MDH1B: variants seen among roughly 807,000 people sequenced by gnomAD.
The protein encoded by MDH1B is putative malate dehydrogenase 1B.
A neutral mutation model predicts 61.4 loss-of-function variants in MDH1B; 60 were observed. The observed-to-expected ratio is 0.98, with a 90% CI of 0.79 to 1.21. The LOEUF is 1.21. Among genes scored for constraint, MDH1B ranks in the 50% most tolerant of loss-of-function variants. The pLI, the probability that MDH1B is intolerant of heterozygous loss-of-function variation, is 0.00. For synonymous variants in MDH1B, 236 were observed against 218.7 expected, an observed-to-expected ratio of 1.08 and a Z score of -0.70; for missense variants, 587 against 632.1, an observed-to-expected ratio of 0.93 and a Z score of 0.76.
At chr2:206,759,046 C>A (rs1688940218) in intron 2 of MDH1B, among the ~76,000 whole-genome samples, 1 of 145,784 alleles carries the variant, frequency 6.9e-6, no homozygotes, top group Non-Finnish European at 1.5e-5. Flanking sequence ...AAATTTGTGT[C>A]ATGGGGGTTT....
intron 6 of MDH1B, among the ~76,000 whole-genome samples, chr2:206,750,378 C>G (rs529950289): frequency 4.9e-5 from 7 of 142,328 alleles, no homozygotes; most frequent in Non-Finnish European, 7.7e-5. Flanking sequence ...AGAGAGGCTG[C>G]TTAGCCTCTC....
chr2:206,762,487 CCT>C (rs1258090910), intron 1 of MDH1B, among the ~76,000 whole-genome samples: 10 of 152,168 alleles, frequency 6.6e-5, no homozygotes, highest in African/African-American at 1.9e-4. Context: ...AGTTAATTAT[CCT>C]CTCTTTCTAG....
intron 9 of MDH1B, among the ~76,000 whole-genome samples, chr2:206,744,943 T>TA (rs1268393684): frequency 6.9e-5 from 10 of 145,720 alleles, no homozygotes; most frequent in African/African-American, 2.3e-4. Context: ...AATAAATAAA[T>TA]AAATAAAATA....
intron 11 of MDH1B, among the ~76,000 whole-genome samples, chr2:206,738,977 C>A (rs1687654117): frequency 1.3e-5 from 2 of 152,196 alleles, no homozygotes; most frequent in Admixed American, 6.5e-5. Flanking sequence ...CCTGATTGGT[C>A]AACCACAAAG....
chr2:206,758,462 G>A (rs982093149), intron 2 of MDH1B, among the ~76,000 whole-genome samples: 6 of 152,106 alleles, frequency 3.9e-5, no homozygotes, highest in Non-Finnish European at 8.8e-5. Context: ...GACGGTAGAA[G>A]AATGGATCAA....
Position 206,757,292 on chromosome 2 carries a change from C to G in MDH1B, c.215G>C (p.Arg72Pro). ...SPIIWRELLD[R>P]GGKGLLLGGY... ...TCCCAAAAGCAAACCCTTTCCTCCACGATCCAACAGCTCTCTCCAGATGAT... is the reference window on the plus strand; with the variant it reads ...TCCCAAAAGCAAACCCTTTCCTCCAGGATCCAACAGCTCTCTCCAGATGAT... Residue 72 changes from arginine (R) to proline (P), a missense_variant, in exon 3 of 12, where the codon CGT becomes CCT. Arg to Pro is a moderately radical substitution (Grantham distance 103). Transcript: ENST00000374412. The G allele has an allele frequency of 1.9e-6, 3 of 1,613,938 alleles. No individual in the cohort carries two copies. The highest frequency in any genetic ancestry group is 2.5e-6 in the Non-Finnish European group (3 of 1,179,864).
At position 206,755,064 on chromosome 2, in the gene MDH1B, C is replaced by A. The variant is rs1031411850; in HGVS notation, c.855G>T (p.Gly285=). ...IAHNIIAVAL[G]VEGEAKAILA... ...GTATGGCTTTCGCTTCACCTTCCACCCCCAGCGCCACAGCAATAATGTTGT... is the reference window on the plus strand; with the variant it reads ...GTATGGCTTTCGCTTCACCTTCCACACCCAGCGCCACAGCAATAATGTTGT... Residue 285 remains glycine (G), a synonymous_variant, in exon 5 of 12, where the codon GGG becomes GGT. Coordinates refer to ENST00000374412, the MANE Select transcript of MDH1B (RefSeq NM_001039845.3). The A allele has an allele frequency of 6.2e-7, 1 of 1,614,148 alleles. No homozygotes were observed.
Position 206,754,998 on chromosome 2 carries a change from C to T in MDH1B, c.910+11G>A. On this transcript the variant is annotated intron_variant, in intron 5 of 11. Coordinates refer to ENST00000374412, the MANE Select transcript of MDH1B (RefSeq NM_001039845.3). Reference sequence around the variant, plus strand: ...AAATAAAAACAAAAACATAAAGAGACATTCACTCACATGAAGGAGCTGTCT... The same window carrying T: ...AAATAAAAACAAAAACATAAAGAGATATTCACTCACATGAAGGAGCTGTCT... 6.2e-7 allele frequency: 1 copy of T among 1,606,120 alleles called. No individual in the cohort carries two copies. Among genetic ancestry groups the T allele is most frequent in the Non-Finnish European group, 8.5e-7 (1 of 1,174,668 alleles).
At position 206,745,738 on chromosome 2, in the gene MDH1B, T is replaced by C. The variant is rs891913562; in HGVS notation, c.1357-65A>G. On this transcript the variant is annotated intron_variant, in intron 8 of 11. Transcript: ENST00000374412. ...TTCCTAACTTAATTCTTCTTTTTTTTTTTTTTTTTTTTGAGACAGAGTTTC... is the reference window on the plus strand; with the variant it reads ...TTCCTAACTTAATTCTTCTTTTTTTCTTTTTTTTTTTTGAGACAGAGTTTC... 160 of 1,249,110 alleles carry C rather than the reference T, an allele frequency of 1.3e-4. 1 individual carries two copies. Among genetic ancestry groups the C allele is most frequent in the Middle Eastern group, 2.1e-4 (1 of 4,858 alleles). The allele number at this position is 1,249,110 out of a possible 1,614,324, so 77.4% of individuals were successfully genotyped here.
Position 206,756,908 on chromosome 2 carries a change from A to G in MDH1B, c.403T>C (p.Trp135Arg), listed in dbSNP as rs1688790881. 1.9e-6 allele frequency: 3 copies of G among 1,614,184 alleles called. No homozygotes were observed. Among genetic ancestry groups the G allele is most frequent in the Non-Finnish European group, 2.5e-6 (3 of 1,180,022 alleles). ...LKTCINPLQV[W>R]ITSASAPACY... Reference sequence around the variant, plus strand: ...ATTTGACTGTCCCACCTGGTGATCCAGACCTGCAAGGGGTTGATGCAAGTT... The same window carrying G: ...ATTTGACTGTCCCACCTGGTGATCCGGACCTGCAAGGGGTTGATGCAAGTT... Residue 135 changes from tryptophan (W) to arginine (R), a missense_variant, in exon 4 of 12, where the codon TGG (tryptophan) becomes CGG (arginine). Physicochemically the swap from Trp to Arg is moderately radical, Grantham distance 101 (BLOSUM62 -3). Transcript: ENST00000374412.
intron 5 of MDH1B, 62 bp from the exon 6 acceptor site, chr2:206,751,137 G>T: frequency 8.0e-7 from 1 of 1,254,830 alleles, no homozygotes; most frequent in Non-Finnish European, 1.1e-6. Flanking sequence ...AAAATTGCCT[G>T]AAGCCTATTT....
chr2:206,763,698 A>AACTTATTTCAATTTTAT, intron 1 of MDH1B, among the ~76,000 whole-genome samples: 1 of 152,158 alleles, frequency 6.6e-6, no homozygotes, highest in Non-Finnish European at 1.5e-5. Context: ...AGTCCTAATA[A>AACTTATTTCAATTTTAT]ACTTATTTCA....
chr2:206,752,613 C>T (rs73068058), intron 5 of MDH1B, among the ~76,000 whole-genome samples: 17,867 of 151,940 alleles, frequency 0.12, 1,466 homozygotes, highest in African/African-American at 0.24. Context: ...AATTCTTGGG[C>T]CAGGTAAGCA....
intron 4 of MDH1B, among the ~76,000 whole-genome samples, 184 bp from the exon 5 acceptor site, chr2:206,755,689 C>A (rs748716198): frequency 5.9e-5 from 9 of 152,242 alleles, no homozygotes; most frequent in Non-Finnish European, 1.2e-4. Context: ...TTCTCACTAC[C>A]AATCCCTTGC....
chr2:206,760,918 G>T lies in MDH1B; in HGVS notation c.118C>A (p.Arg40Ser). Residue 40 changes from arginine (R) to serine (S), a missense_variant, in exon 2 of 12, where the codon CGT becomes AGT. Physicochemically the swap from Arg to Ser is moderately radical, Grantham distance 110 (BLOSUM62 -1). Transcript: ENST00000374412. Reference sequence around the variant, plus strand: ...CTTCTTACCTCCCAAACCTCAGGACGTTGTGTGATTTTATGTATCCGAAAA... The same window carrying T: ...CTTCTTACCTCCCAAACCTCAGGACTTTGTGTGATTTTATGTATCCGAAAA... ...PDFRIHKITQ[R>S]PEVWEDWLKD... 4 of 1,607,002 alleles carry T rather than the reference G, an allele frequency of 2.5e-6. No homozygotes were observed. Among genetic ancestry groups the T allele is most frequent in the Non-Finnish European group, 3.4e-6 (4 of 1,173,944 alleles).
At chr2:206,750,287 C>T (rs1451219440) in intron 6 of MDH1B, among the ~76,000 whole-genome samples, 1 of 151,040 alleles carries the variant, frequency 6.6e-6, no homozygotes, top group East Asian at 2.0e-4. Context: ...GGGAGTAATC[C>T]ATTTTATCTT....
At position 206,752,419 on chromosome 2, in the gene MDH1B, G is replaced by A. The variant is rs74972039; in HGVS notation, c.911-1344C>T. Among the ~76,000 whole-genome samples the A allele has an allele frequency of 6.6e-3, 1,002 of 152,182 alleles. 6 individuals are homozygous for A. Among genetic ancestry groups the A allele is most frequent in the African/African-American group, 0.023 (959 of 41,498 alleles). ...TAGCCCACCATCACTGTCTACCTTT[G>A]TCCTGTGAGATTCCCGCCCCCATCG... On this transcript the variant is annotated intron_variant, in intron 5 of 11. Coordinates refer to ENST00000374412, the MANE Select transcript of MDH1B (RefSeq NM_001039845.3).
In MDH1B at chr2:206,765,256, T is replaced by C; in HGVS notation, c.16A>G (p.Ile6Val). Residue 6 changes from isoleucine to valine, a missense_variant, in exon 1 of 12, where the codon ATC (isoleucine) becomes GTC (valine). By Grantham distance (29) the Ile-to-Val change is conservative. Coordinates refer to ENST00000374412, the MANE Select transcript of MDH1B (RefSeq NM_001039845.3). Reference sequence around the variant, plus strand: ...GGACGCGGGGATCACTCACCCGCGATGACGAATTTGGCCATGGTCGAGAGA... The same window carrying C: ...GGACGCGGGGATCACTCACCCGCGACGACGAATTTGGCCATGGTCGAGAGA... MAKFV[I>V]AGRADCPYYA... 6.2e-7 allele frequency: 1 copy of C among 1,603,102 alleles called. No individual in the cohort carries two copies. Among genetic ancestry groups the C allele is most frequent in the Non-Finnish European group, 8.5e-7 (1 of 1,176,598 alleles).
chr2:206,757,408 A>T (rs1456060025), intron 2 of MDH1B, 37 bp from the exon 3 acceptor site: 1 of 1,592,682 alleles, frequency 6.3e-7, no homozygotes, highest in African/African-American at 1.3e-5. Context: ...CATATATTAA[A>T]TCTGCCTGAG....
Sources: gnomAD v4.1 joint callset for allele counts (sites outside exome capture counted in the v4.1 genomes callset) on GRCh38, gnomAD v4.1.1 for gene constraint, MANE v1.5 for transcripts, NCBI Gene and HGNC (gene_info 2026-07-23, HGNC 2026-07-21) for gene names.